Variants in ERBB4 observed in about 807,000 individuals in gnomAD.
ERBB4 encodes the protein receptor tyrosine-protein kinase erbB-4.
A neutral mutation model predicts 158.0 loss-of-function variants in ERBB4; 42 were observed. The ratio of observed to expected loss-of-function variants is 0.27; its 90% CI spans 0.21 to 0.34. ERBB4 has a LOEUF of 0.34. Ranked by LOEUF, ERBB4 falls within the 10% of genes least tolerant of loss-of-function variation. The pLI is 1.00. For missense variants in ERBB4, 1,333 were observed against 1,624.1 expected (o/e 0.82, Z 3.08); for synonymous variants, 583 against 558.7 (o/e 1.04, Z -0.61).
chr2:212,198,196 G>C, intron 1 of ERBB4, among the ~76,000 whole-genome samples: 1 of 151,998 alleles, frequency 6.6e-6, no homozygotes, highest in Non-Finnish European at 1.5e-5. Context: ...TTAGCAATTG[G>C]GTTTTTTAAA....
intron 19 of ERBB4, among the ~76,000 whole-genome samples, chr2:211,578,972 TCTTCTGCACAGC>T (rs1375054592): frequency 6.6e-6 from 1 of 151,922 alleles, no homozygotes; most frequent in Non-Finnish European, 1.5e-5. Context: ...AAACTAAAGA[TCTTCTGCACAGC>T]CAAAGAAACT....
intron 4 of ERBB4, among the ~76,000 whole-genome samples, chr2:211,759,288 C>G (rs1416493596): frequency 6.6e-6 from 1 of 152,138 alleles, no homozygotes; most frequent in African/African-American, 2.4e-5. Flanking sequence ...AATGCAATAA[C>G]CTCTTATCCG....
At chr2:212,531,525 T>C (rs547555275) in intron 1 of ERBB4, among the ~76,000 whole-genome samples, 1 of 152,316 alleles carries the variant, frequency 6.6e-6, no homozygotes, top group South Asian at 2.1e-4. Context: ...TGTCATATCT[T>C]AGGTCCAAGG....
chr2:212,192,602 T>C (rs963689004), intron 1 of ERBB4, among the ~76,000 whole-genome samples: 1 of 152,090 alleles, frequency 6.6e-6, no homozygotes, highest in Non-Finnish European at 1.5e-5. Context: ...CAATAATGCC[T>C]TTGGTCTTAA....
intron 1 of ERBB4, among the ~76,000 whole-genome samples, chr2:212,165,641 C>T (rs1011430558): frequency 8.6e-5 from 13 of 152,014 alleles, no homozygotes; most frequent in African/African-American, 1.4e-4. Context: ...TCATCCTTCC[C>T]GCATCTTTAT....
chr2:211,742,297 A>G (rs1231384285), intron 5 of ERBB4, among the ~76,000 whole-genome samples: 1 of 152,226 alleles, frequency 6.6e-6, no homozygotes, highest in Non-Finnish European at 1.5e-5. Flanking sequence ...TAGACAAATT[A>G]TATGTGTACG....
chr2:211,667,341 G>A (rs2071669960), intron 14 of ERBB4, among the ~76,000 whole-genome samples: 1 of 150,674 alleles, frequency 6.6e-6, no homozygotes, highest in Non-Finnish European at 1.5e-5. Context: ...GAAGTATAAA[G>A]AAGAAAAAGT....
intron 25 of ERBB4, among the ~76,000 whole-genome samples, chr2:211,397,869 C>T (rs2062953396): frequency 6.6e-6 from 1 of 152,160 alleles, no homozygotes; most frequent in African/African-American, 2.4e-5. Context: ...ATGCCTTTAG[C>T]CAGGCCAGAG....
At chr2:211,840,884 C>G (rs1443412656) in intron 3 of ERBB4, among the ~76,000 whole-genome samples, 1 of 152,068 alleles carries the variant, frequency 6.6e-6, no homozygotes, top group Non-Finnish European at 1.5e-5. Flanking sequence ...GCAATTTAAA[C>G]TTTGGAGATC....
At chr2:212,189,855 G>A (rs533507746) in intron 1 of ERBB4, among the ~76,000 whole-genome samples, 12 of 152,046 alleles carry the variant, frequency 7.9e-5, no homozygotes, top group African/African-American at 2.4e-4. Flanking sequence ...CTGACTTCAA[G>A]GAGTTAAAAA....
chr2:211,583,854 G>A (rs1159633809), intron 19 of ERBB4, among the ~76,000 whole-genome samples: 1 of 150,886 alleles, frequency 6.6e-6, no homozygotes, highest in Non-Finnish European at 1.5e-5. Context: ...ATTCTTCAAC[G>A]TTCCCCGGAA....
intron 20 of ERBB4, among the ~76,000 whole-genome samples, chr2:211,457,891 G>T (rs529618470): frequency 6.6e-6 from 1 of 152,280 alleles, no homozygotes; most frequent in African/African-American, 2.4e-5. Context: ...AGGAACCGCT[G>T]GTCCACTGTG....
chr2:212,270,187 T>A (rs554683488), intron 1 of ERBB4, among the ~76,000 whole-genome samples: 1 of 151,802 alleles, frequency 6.6e-6, no homozygotes, highest in Non-Finnish European at 1.5e-5. Flanking sequence ...CCACTTCTGA[T>A]GACCAAAAGA....
At chr2:212,151,616 T>C (rs74497453) in intron 1 of ERBB4, among the ~76,000 whole-genome samples, 3,859 of 152,126 alleles carry the variant, frequency 0.025, 161 homozygotes, top group African/African-American at 0.087. Flanking sequence ...TGGCTGGGCA[T>C]GGTGGCTCGC....
intron 2 of ERBB4, among the ~76,000 whole-genome samples, chr2:212,095,638 G>C (rs570218619): frequency 6.6e-6 from 1 of 151,988 alleles, no homozygotes; most frequent in Admixed American, 6.5e-5. Context: ...CAATTTCTTA[G>C]ACAGTAAATT....
intron 3 of ERBB4, among the ~76,000 whole-genome samples, chr2:211,811,024 A>G (rs1267105984): frequency 6.6e-6 from 1 of 152,032 alleles, no homozygotes; most frequent in African/African-American, 2.4e-5. Flanking sequence ...TTTAAGGTTA[A>G]TATTGTTACC....
At chr2:212,492,048 G>T (rs886303323) in intron 1 of ERBB4, among the ~76,000 whole-genome samples, 1 of 151,438 alleles carries the variant, frequency 6.6e-6, no homozygotes, top group Non-Finnish European at 1.5e-5. Context: ...CAGATATTTT[G>T]CCAGGAGGAT....
At chr2:212,520,179 G>C (rs1223487842) in intron 1 of ERBB4, among the ~76,000 whole-genome samples, 2 of 151,898 alleles carry the variant, frequency 1.3e-5, no homozygotes, top group African/African-American at 2.4e-5. Flanking sequence ...TGGTTAAACA[G>C]AATGTCATAA....
intron 1 of ERBB4, among the ~76,000 whole-genome samples, chr2:212,316,319 G>A (rs150502040): frequency 6.6e-6 from 1 of 151,496 alleles, no homozygotes; most frequent in African/African-American, 2.4e-5. Context: ...GGATGCCGTA[G>A]AAATGTGTAT....
Sources: gnomAD v4.1 joint callset for allele counts (sites outside exome capture counted in the v4.1 genomes callset) on GRCh38, gnomAD v4.1.1 for gene constraint, MANE v1.5 for transcripts, NCBI Gene and HGNC (gene_info 2026-07-23, HGNC 2026-07-21) for gene names.